Variants in RYR3 observed in about 807,000 individuals in gnomAD.
The protein encoded by RYR3 is brain ryanodine receptor-calcium release channel.
In RYR3, 207 loss-of-function variants were observed where a neutral mutation model predicts 584.3. The observed-to-expected ratio is 0.35, with a 90% CI of 0.32 to 0.40. The LOEUF (loss-of-function observed/expected upper bound fraction) is 0.40, where lower values mean the gene tolerates loss of function less well. Among genes scored for constraint, RYR3 ranks in the 10% least tolerant of loss-of-function variants. RYR3 has a pLI of 1.00. For missense variants in RYR3, 5,616 were observed against 6,089.2 expected (o/e 0.92, Z 2.59); for synonymous variants, 2,416 against 2,248.5 (o/e 1.07, Z -2.11).
Position 33,630,003 on chromosome 15 carries a change from GAGA to G in RYR3, c.2748_2750del (p.Lys916del). 4.4e-6 allele frequency: 7 copies of G among 1,606,226 alleles called. No individual in the cohort carries two copies. The highest frequency in any genetic ancestry group is 5.1e-6 in the Non-Finnish European group (6 of 1,176,304). ...GGAGTTTTCAAAGCTCCCAGAAACT[GAGA>G]AGAACTATAACCTGCAAATGTCAAC... On this transcript the variant is annotated inframe_deletion, in exon 22 of 104. Transcript: ENST00000634891.
intron 8 of RYR3, among the ~76,000 whole-genome samples, chr15:33,544,878 G>T (rs929245707): frequency 2.0e-5 from 3 of 151,954 alleles, no homozygotes; most frequent in Non-Finnish European, 4.4e-5. Flanking sequence ...TAGTTATCTC[G>T]ATTAGGAAGT....
At chr15:33,699,937 A>C in intron 41 of RYR3, 104 bp downstream of exon 41, 4 of 1,098,848 alleles carry the variant, frequency 3.6e-6, no homozygotes, top group Non-Finnish European at 5.2e-6. Context: ...GCACGCTGTG[A>C]TATTTGTAAA....
At chr15:33,794,389 A>T (rs2075457590) in intron 67 of RYR3, among the ~76,000 whole-genome samples, 1 of 148,008 alleles carries the variant, frequency 6.8e-6, no homozygotes, top group African/African-American at 2.5e-5. Context: ...TTACCTATCT[A>T]TGGGAAATTG....
At chr15:33,663,954 C>T (rs11637619) in intron 36 of RYR3, among the ~76,000 whole-genome samples, 119,185 of 152,072 alleles carry the variant, frequency 0.78, 48,608 homozygotes, top group East Asian at 0.92. Flanking sequence ...AAACTGCACA[C>T]GTGGCAGGGC....
chr15:33,373,416 G>A (rs1440204691), intron 1 of RYR3, among the ~76,000 whole-genome samples: 2 of 152,192 alleles, frequency 1.3e-5, no homozygotes, highest in Non-Finnish European at 2.9e-5. Context: ...GTAAAATGGG[G>A]TAATGCCAAT....
intron 31 of RYR3, among the ~76,000 whole-genome samples, chr15:33,650,121 G>A (rs970697419): frequency 6.6e-6 from 1 of 152,188 alleles, no homozygotes; most frequent in Non-Finnish European, 1.5e-5. Flanking sequence ...GCTCACGCTT[G>A]TAATCACAGC....
intron 1 of RYR3, among the ~76,000 whole-genome samples, chr15:33,313,860 A>T (rs1967702224): frequency 6.6e-6 from 1 of 152,224 alleles, no homozygotes; most frequent in Non-Finnish European, 1.5e-5. Context: ...CAAGGATCCT[A>T]ATCAAATTGT....
chr15:33,366,694 G>C lies in RYR3; in HGVS notation c.51+55598G>C, dbSNP rs1975546948. Among the ~76,000 whole-genome samples, 3 of 152,200 alleles carry C rather than the reference G, an allele frequency of 2.0e-5. No individual in the cohort carries two copies. The South Asian group carries it at 6.2e-4, about 32-fold the overall frequency. The stretch of plus-strand genomic sequence containing the variant: ...CTAGGAAAATGATGGGTGTTGAGGA[G>C]CCTCAGTGTGCTAGGAGGAACCACT... On this transcript the variant is annotated intron_variant, in intron 1 of 103. Coordinates refer to ENST00000634891, the MANE Select transcript of RYR3 (RefSeq NM_001036.6).
At position 33,670,530 on chromosome 15, in the gene RYR3, C is replaced by T. The variant is rs375210672; in HGVS notation, c.5834C>T (p.Pro1945Leu). 2.8e-5 allele frequency: 45 copies of T among 1,594,622 alleles called. No homozygotes were observed. In the Middle Eastern group the frequency reaches 1.3e-3, roughly 48 times the overall value. The change falls in exon 38 of 104, where the codon CCG (proline) becomes CTG (leucine). Residue 1945 changes from proline (P) to leucine (L), a missense_variant. Around this residue, in one of 9 missense-constraint regions of RYR3, gnomAD observed 1,280 missense variants for 1,426.2 expected, o/e 0.90. Transcript: ENST00000634891. ...CCACCCAAGCCAGAGAAGGAGCAGC[C>T]GACGGAGGAGGAGGAGAGATGCCCC... is the stretch of plus-strand genomic sequence containing the variant. ...KGPPKPEKEQ[P>L]TEEEERCPTT... is the part of the protein sequence containing the mutation.
intron 23 of RYR3, among the ~76,000 whole-genome samples, chr15:33,631,632 C>G (rs1410580742): frequency 6.6e-6 from 1 of 152,202 alleles, no homozygotes; most frequent in Admixed American, 6.5e-5. Context: ...AGAGTCACTC[C>G]TCTGGCATTG....
chr15:33,756,637 G>A (rs574513312), intron 59 of RYR3, among the ~76,000 whole-genome samples: 9 of 152,244 alleles, frequency 5.9e-5, no homozygotes, highest in South Asian at 2.1e-4. Flanking sequence ...GCCTGTGTGC[G>A]TGGTTCAGAC....
At chr15:33,713,597 A>G (rs1029531401) in intron 43 of RYR3, among the ~76,000 whole-genome samples, 1 of 152,162 alleles carries the variant, frequency 6.6e-6, no homozygotes, top group African/African-American at 2.4e-5. Context: ...ACACTTTTAC[A>G]TATATTAACT....
At chr15:33,444,765 G>A (rs1460485502) in intron 1 of RYR3, among the ~76,000 whole-genome samples, 1 of 152,178 alleles carries the variant, frequency 6.6e-6, no homozygotes, top group Admixed American at 6.5e-5. Flanking sequence ...CAGCAGCCCT[G>A]AAAAGGAAAG....
At chr15:33,675,571 A>C (rs1436171644) in intron 38 of RYR3, among the ~76,000 whole-genome samples, 1 of 152,152 alleles carries the variant, frequency 6.6e-6, no homozygotes, top group Non-Finnish European at 1.5e-5. Context: ...TTCTCCCAAA[A>C]TTCATGATAT....
chr15:33,311,280 A>G lies in RYR3; in HGVS notation c.51+184A>G, dbSNP rs1464904838. On this transcript the variant is annotated intron_variant, in intron 1 of 103. Transcript: ENST00000634891. This position sits in a 1 kb window ranked among gnomAD's most constrained non-coding sequence, Gnocchi z 4.4. The stretch of plus-strand genomic sequence containing the variant: ...CGGGGCCGCGAGGGGCTGCGTGGGA[A>G]GGGGCACCATCTCCTGCCTCTCCCT... Among the ~76,000 whole-genome samples, 3 of 152,090 alleles carry G rather than the reference A, an allele frequency of 2.0e-5. No individual in the cohort carries two copies. The highest frequency in any genetic ancestry group is 6.5e-5 in the Admixed American group (1 of 15,286).
At position 33,671,624 on chromosome 15, in the gene RYR3, G is replaced by T. The variant is rs1469876916; in HGVS notation, c.5860+1068G>T. ...GTAGTTCCATCAGTCACTCTGGAAA[G>T]GGCGGGTCTTTTGTGAGGATGTGCC... On this transcript the variant is annotated intron_variant, in intron 38 of 103. Transcript: ENST00000634891. Among the ~76,000 whole-genome samples the T allele has an allele frequency of 2.0e-5, 3 of 152,090 alleles. No homozygotes were observed. In the South Asian group the frequency reaches 6.2e-4, roughly 32 times the overall value.
At position 33,636,529 on chromosome 15, in the gene RYR3, G is replaced by T. The variant is rs368220434; in HGVS notation, c.3535G>T (p.Ala1179Ser). ...ITNKGSELAF[A>S]DYEIENGFVP... is the part of the protein sequence containing the mutation. Reference sequence around the variant, plus strand: ...CAACAAAGGCTCTGAACTTGCCTTCGCTGACTACGAGATTGAGAATGGTAA... The same window carrying T: ...CAACAAAGGCTCTGAACTTGCCTTCTCTGACTACGAGATTGAGAATGGTAA... The change falls in exon 27 of 104, where the codon GCT becomes TCT. Residue 1179 changes from alanine (A) to serine (S), a missense_variant. By Grantham distance (99) the Ala-to-Ser change is moderately conservative (BLOSUM62 1). Coordinates refer to ENST00000634891, the MANE Select transcript of RYR3 (RefSeq NM_001036.6). The T allele has an allele frequency of 2.5e-6, 4 of 1,600,146 alleles. No homozygotes were observed. Among genetic ancestry groups the T allele is most frequent in the Non-Finnish European group, 3.4e-6 (4 of 1,174,044 alleles).
intron 1 of RYR3, among the ~76,000 whole-genome samples, chr15:33,392,246 T>C (rs912739856): frequency 2.0e-5 from 3 of 151,292 alleles, no homozygotes; most frequent in African/African-American, 7.3e-5. Context: ...GAAGAGACTC[T>C]GTCTGGGTCT....
intron 102 of RYR3, among the ~76,000 whole-genome samples, chr15:33,863,092 C>G (rs912735674): frequency 6.6e-6 from 1 of 152,170 alleles, no homozygotes; most frequent in Non-Finnish European, 1.5e-5. Flanking sequence ...GTTGGAACCC[C>G]TTCTGTGCCT....
Sources: allele counts gnomAD v4.1 joint callset (sites outside exome capture counted in the v4.1 genomes callset), GRCh38; gene constraint gnomAD v4.1.1; regional missense constraint gnomAD v4.1.1; non-coding constraint Gnocchi (gnomAD v3.1); transcripts MANE v1.5; gene names NCBI Gene and HGNC (gene_info 2026-07-23, HGNC 2026-07-21).